AKAP6: variants seen among roughly 807,000 people sequenced by gnomAD.
AKAP6 encodes A-kinase anchoring protein 6.
AKAP6 carries 58 observed loss-of-function variants against 188.5 expected under a neutral mutation model. The ratio of observed to expected loss-of-function variants is 0.31; its 90% CI spans 0.25 to 0.38. The LOEUF is 0.38. Among genes scored for constraint, AKAP6 ranks in the 10% least tolerant of loss-of-function variants. The pLI, the probability that AKAP6 is intolerant of heterozygous loss-of-function variation, is 1.00. For synonymous variants in AKAP6, 989 were observed against 998.6 expected, an observed-to-expected ratio of 0.99 and a Z score of 0.18; for missense variants, 2,710 against 2,740.0, an observed-to-expected ratio of 0.99 and a Z score of 0.24.
chr14:32,800,339 T>C (rs1275628824), intron 12 of AKAP6, among the ~76,000 whole-genome samples: 1 of 151,264 alleles, frequency 6.6e-6, no homozygotes, highest in East Asian at 1.9e-4. Flanking sequence ...GAGGCAGAGG[T>C]TGCAGTGAGC....
At chr14:32,695,227 G>A (rs7156205) in intron 8 of AKAP6, among the ~76,000 whole-genome samples, 94,280 of 152,060 alleles carry the variant, frequency 0.62, 30,556 homozygotes, top group East Asian at 0.85. Flanking sequence ...TGTTTCCTAC[G>A]TGTCTGTGGG....
At chr14:32,517,465 G>A (rs765207660) in intron 2 of AKAP6, among the ~76,000 whole-genome samples, 1 of 152,150 alleles carries the variant, frequency 6.6e-6, no homozygotes, top group Non-Finnish European at 1.5e-5. Flanking sequence ...TGGAGTGTGA[G>A]CCAAAGCAGG....
At chr14:32,444,126 C>T (rs7140949) in intron 2 of AKAP6, among the ~76,000 whole-genome samples, 41,029 of 151,906 alleles carry the variant, frequency 0.27, 11,470 homozygotes, top group African/African-American at 0.71. Context: ...ACAAATAAAG[C>T]AATAATGTGG....
chr14:32,445,437 A>G (rs1394803580), intron 2 of AKAP6, among the ~76,000 whole-genome samples: 10 of 152,018 alleles, frequency 6.6e-5, no homozygotes, highest in South Asian at 4.2e-4. Context: ...CAATGATGCA[A>G]TCTTGGCTCA....
chr14:32,716,320 TAA>T (rs1420557642), intron 9 of AKAP6, among the ~76,000 whole-genome samples: 1 of 151,632 alleles, frequency 6.6e-6, no homozygotes, highest in Non-Finnish European at 1.5e-5. Flanking sequence ...CTCCCTTCAT[TAA>T]GAGTCAAGAA....
intron 1 of AKAP6, among the ~76,000 whole-genome samples, chr14:32,361,406 C>T (rs1282841297): frequency 1.3e-5 from 2 of 152,134 alleles, no homozygotes; most frequent in East Asian, 3.9e-4. Flanking sequence ...GGCATGGAAG[C>T]ATGGAAGCAT....
intron 1 of AKAP6, among the ~76,000 whole-genome samples, chr14:32,415,249 G>A (rs1240571939): frequency 6.6e-6 from 1 of 152,176 alleles, no homozygotes; most frequent in Non-Finnish European, 1.5e-5. Flanking sequence ...GTTTGTATAT[G>A]TGTGCCTACA....
At chr14:32,442,723 A>C (rs551651583) in intron 2 of AKAP6, 2 of 152,276 alleles carry the variant, frequency 1.3e-5, no homozygotes, top group African/African-American at 4.8e-5. Flanking sequence ...TTTTATTAAG[A>C]AGATCCAACC....
At chr14:32,810,858 C>A (rs187634986) in intron 12 of AKAP6, among the ~76,000 whole-genome samples, 1 of 152,230 alleles carries the variant, frequency 6.6e-6, no homozygotes, top group Admixed American at 6.5e-5. Flanking sequence ...ATAGCTGACC[C>A]ACCTATTAAT....
intron 5 of AKAP6, among the ~76,000 whole-genome samples, chr14:32,580,686 A>C (rs911772716): frequency 6.6e-6 from 1 of 152,160 alleles, no homozygotes; most frequent in South Asian, 2.1e-4. Flanking sequence ...TATATCTCCT[A>C]ATGCTATCCC....
intron 5 of AKAP6, among the ~76,000 whole-genome samples, chr14:32,589,212 C>T (rs1264014386): frequency 6.6e-6 from 1 of 152,220 alleles, no homozygotes; most frequent in Non-Finnish European, 1.5e-5. Flanking sequence ...GCCCCCACCT[C>T]CCTCAGCCTT....
chr14:32,347,812 C>T (rs17098849), intron 1 of AKAP6, among the ~76,000 whole-genome samples: 44,480 of 152,146 alleles, frequency 0.29, 6,847 homozygotes, highest in East Asian at 0.4. Context: ...AATAGTCCAA[C>T]GTTAAAAAGT....
intron 7 of AKAP6, among the ~76,000 whole-genome samples, chr14:32,632,481 C>T (rs1226349414): frequency 3.9e-5 from 6 of 152,022 alleles, no homozygotes; most frequent in Admixed American, 3.9e-4. Context: ...AGAAGAGAGA[C>T]CATTTTCTAA....
chr14:32,779,100 A>C (rs2033158519), intron 12 of AKAP6, among the ~76,000 whole-genome samples: 1 of 152,068 alleles, frequency 6.6e-6, no homozygotes, highest in Non-Finnish European at 1.5e-5. Flanking sequence ...GTTGCCTATG[A>C]GAAACCCAAT....
chr14:32,559,544 C>G (rs974815307), intron 4 of AKAP6, among the ~76,000 whole-genome samples: 14 of 152,052 alleles, frequency 9.2e-5, no homozygotes, highest in African/African-American at 3.4e-4. Flanking sequence ...AAATGTTTGG[C>G]CCAGAGAGTT....
chr14:32,564,302 T>A (rs1402170875), intron 4 of AKAP6, among the ~76,000 whole-genome samples: 1 of 152,204 alleles, frequency 6.6e-6, no homozygotes, highest in Non-Finnish European at 1.5e-5. Context: ...CGACTGTATT[T>A]ATAATACATA....
At chr14:32,496,145 C>T (rs1880302805) in intron 2 of AKAP6, among the ~76,000 whole-genome samples, 1 of 152,162 alleles carries the variant, frequency 6.6e-6, no homozygotes, top group South Asian at 2.1e-4. Context: ...TGTCACATGA[C>T]AGACATATTC....
intron 10 of AKAP6, chr14:32,733,875 A>G (rs1374376015): frequency 6.6e-6 from 1 of 152,160 alleles, no homozygotes; most frequent in Non-Finnish European, 1.5e-5. Flanking sequence ...TGGCAACCTT[A>G]TGTGCTTGAT....
rs908422668 is a variant in AKAP6, at chr14:32,670,538, T to G, written c.2731-7773T>G. Among the ~76,000 whole-genome samples, 5 of 152,088 alleles carry G rather than the reference T, an allele frequency of 3.3e-5. No homozygotes were observed. The East Asian group carries it at 7.7e-4, about 23-fold the overall frequency. On this transcript the variant is annotated intron_variant, in intron 7 of 13. Transcript: ENST00000280979. ...ATACTGCATTGAAGGTAAAAAAGATTGTGTAGTAAAAGAAGGAAAATGTCC... is the reference window on the plus strand; with the variant it reads ...ATACTGCATTGAAGGTAAAAAAGATGGTGTAGTAAAAGAAGGAAAATGTCC...
Sources: gnomAD v4.1 joint callset for allele counts (sites outside exome capture counted in the v4.1 genomes callset) on GRCh38, gnomAD v4.1.1 for gene constraint, MANE v1.5 for transcripts, NCBI Gene and HGNC (gene_info 2026-07-23, HGNC 2026-07-21) for gene names.